The following FAM227B variants were observed in gnomAD, a reference collection of about 807,000 sequenced individuals.
FAM227B encodes family with sequence similarity 227 member B.
In FAM227B, 88 loss-of-function variants were observed where a neutral mutation model predicts 73.8. The ratio of observed to expected loss-of-function variants is 1.19; its 90% CI spans 1.00 to 1.42. The LOEUF (loss-of-function observed/expected upper bound fraction) is 1.42. Among genes scored for constraint, FAM227B ranks in the 40% most tolerant of loss-of-function variants. The probability of loss-of-function intolerance (pLI) is 0.00; values close to 1 mark genes in which losing one functional copy is unlikely to be tolerated. For synonymous variants in FAM227B, 210 were observed against 190.5 expected (o/e 1.10, Z -0.84); for missense variants, 632 against 590.9 (o/e 1.07, Z -0.72).
chr15:49,499,165 CAAAAAAAAAAAAAA>C (rs11355557), intron 11 of FAM227B, among the ~76,000 whole-genome samples: 4 of 53,008 alleles, frequency 7.5e-5, no homozygotes, highest in African/African-American at 1.6e-4. Context: ...GACTCCGTCT[CAAAAAAAAAAAAAA>C]AAAAAAAAAA....
At chr15:49,449,840 T>C (rs1331624109) in intron 11 of FAM227B, among the ~76,000 whole-genome samples, 1 of 152,120 alleles carries the variant, frequency 6.6e-6, no homozygotes, top group African/African-American at 2.4e-5. Context: ...CAGATATCCA[T>C]AAAGATTACT....
chr15:49,598,633 T>C (rs1260079882), intron 3 of FAM227B, among the ~76,000 whole-genome samples: 3 of 152,054 alleles, frequency 2.0e-5, no homozygotes, highest in Non-Finnish European at 2.9e-5. Flanking sequence ...CTGCACCTAA[T>C]TTGCTGAGAG....
chr15:49,553,959 C>T (rs1408766939), intron 9 of FAM227B, among the ~76,000 whole-genome samples: 1 of 152,194 alleles, frequency 6.6e-6, no homozygotes, highest in South Asian at 2.1e-4. Context: ...CAATGTAGTA[C>T]TTGGGTATTG....
chr15:49,535,053 C>T (rs1410680501), intron 10 of FAM227B, among the ~76,000 whole-genome samples: 1 of 151,150 alleles, frequency 6.6e-6, no homozygotes, highest in African/African-American at 2.4e-5. Context: ...AAATTAAAAT[C>T]AAAGTTAGCA....
chr15:49,347,519 A>G lies in FAM227B; in HGVS notation c.1272-12023T>C, dbSNP rs141118853. 8.3e-3 allele frequency among the ~76,000 whole-genome samples: 1,264 copies of G among 152,268 alleles called. 6 individuals carry two copies. Among genetic ancestry groups the G allele is most frequent in the Non-Finnish European group, 0.014 (962 of 68,020 alleles). ...CCCTCATACTAGTATCAGTGCTGGT[A>G]TGTAACAGGTATTTGGTAAAACAAA... On this transcript the variant is annotated intron_variant, in intron 13 of 15. Transcript: ENST00000299338.
intron 13 of FAM227B, among the ~76,000 whole-genome samples, chr15:49,340,403 G>GCCCC (rs373386438): frequency 4.2e-5 from 4 of 94,472 alleles, no homozygotes; most frequent in East Asian, 4.5e-4. Context: ...GCAGTGCCCC[G>GCCCC]CCCCCCCCCT....
chr15:49,422,636 C>T (rs2049783916), intron 11 of FAM227B: 3 of 1,083,214 alleles, frequency 2.8e-6, no homozygotes, highest in Admixed American at 2.0e-5. Flanking sequence ...GACTCTGGAA[C>T]AGCAGGTAAC....
chr15:49,369,380 T>C (rs1035664118), intron 12 of FAM227B, among the ~76,000 whole-genome samples: 6 of 152,080 alleles, frequency 3.9e-5, no homozygotes, highest in South Asian at 4.1e-4. Flanking sequence ...TGAAAGATAA[T>C]AGCAGAAATT....
intron 11 of FAM227B, among the ~76,000 whole-genome samples, chr15:49,499,147 C>A (rs1433211795): frequency 9.7e-6 from 1 of 102,790 alleles, no homozygotes; most frequent in Non-Finnish European, 1.7e-5. Context: ...GCCTGGGCGA[C>A]AGAGCGAGAC....
At chr15:49,340,300 G>A (rs975713001) in intron 13 of FAM227B, among the ~76,000 whole-genome samples, 12 of 152,118 alleles carry the variant, frequency 7.9e-5, no homozygotes, top group African/African-American at 2.2e-4. Context: ...TGGGAAAAGC[G>A]CAGTATCTGG....
At chr15:49,394,051 C>T (rs1403669686) in intron 11 of FAM227B, among the ~76,000 whole-genome samples, 1 of 152,010 alleles carries the variant, frequency 6.6e-6, no homozygotes, top group Admixed American at 6.6e-5. Context: ...GTCTGGGGCC[C>T]AATAACATCA....
intron 11 of FAM227B, among the ~76,000 whole-genome samples, chr15:49,418,993 C>T (rs1043410450): frequency 6.6e-6 from 1 of 152,116 alleles, no homozygotes; most frequent in African/African-American, 2.4e-5. Context: ...TTATGTATGG[C>T]CAAAGCTAAG....
intron 8 of FAM227B, among the ~76,000 whole-genome samples, chr15:49,571,615 T>A (rs1440848713): frequency 1.3e-5 from 2 of 151,968 alleles, no homozygotes; most frequent in Non-Finnish European, 2.9e-5. Context: ...CCATTCTCTG[T>A]TATGTGTTCT....
chr15:49,476,045 A>G (rs2055232476), intron 11 of FAM227B, among the ~76,000 whole-genome samples: 1 of 152,122 alleles, frequency 6.6e-6, no homozygotes, highest in South Asian at 2.1e-4. Context: ...CTTTGCTTCC[A>G]TGGCCTTGCA....
chr15:49,505,962 G>C (rs543088735), intron 11 of FAM227B, among the ~76,000 whole-genome samples: 2 of 151,966 alleles, frequency 1.3e-5, no homozygotes, highest in South Asian at 4.2e-4. Flanking sequence ...TGAACCATAA[G>C]CATAGGAAAA....
chr15:49,532,470 GC>G (rs145853676), intron 10 of FAM227B, among the ~76,000 whole-genome samples: 4,352 of 151,808 alleles, frequency 0.029, 216 homozygotes, highest in African/African-American at 0.1. Flanking sequence ...GACAATACAA[GC>G]AAAATTAATG....
intron 11 of FAM227B, among the ~76,000 whole-genome samples, chr15:49,398,020 A>C (rs895112331): frequency 5.9e-5 from 9 of 152,214 alleles, no homozygotes; most frequent in African/African-American, 2.2e-4. Context: ...ATGTAAATGG[A>C]CTAAATGCTC....
At chr15:49,352,843 C>T (rs1340833730) in intron 13 of FAM227B, among the ~76,000 whole-genome samples, 1 of 152,170 alleles carries the variant, frequency 6.6e-6, no homozygotes, top group East Asian at 1.9e-4. Flanking sequence ...AATCACCTAC[C>T]TCAGTCCTTA....
At chr15:49,555,812 T>C (rs2073607768) in intron 9 of FAM227B, among the ~76,000 whole-genome samples, 1 of 152,158 alleles carries the variant, frequency 6.6e-6, no homozygotes, top group African/African-American at 2.4e-5. Flanking sequence ...CCATGAAGAG[T>C]CTTTCCTCAG....
Sources: gnomAD v4.1 joint callset for allele counts (sites outside exome capture counted in the v4.1 genomes callset) on GRCh38, gnomAD v4.1.1 for gene constraint, MANE v1.5 for transcripts, NCBI Gene and HGNC (gene_info 2026-07-23, HGNC 2026-07-21) for gene names.